GATAD2A: variants seen among roughly 807,000 people sequenced by gnomAD.
The protein encoded by GATAD2A is transcriptional repressor p66-alpha.
In GATAD2A, 12 loss-of-function variants were observed where a neutral mutation model predicts 68.5. The ratio of observed to expected loss-of-function variants is 0.18; its 90% CI spans 0.11 to 0.28. The LOEUF is 0.28. Among genes scored for constraint, GATAD2A ranks in the 10% least tolerant of loss-of-function variants. The pLI, the probability that GATAD2A is intolerant of heterozygous loss-of-function variation, is 1.00. For missense variants in GATAD2A, 755 were observed against 868.5 expected (o/e 0.87, Z 1.64); for synonymous variants, 410 against 375.3 (o/e 1.09, Z -1.07).
intron 2 of GATAD2A, among the ~76,000 whole-genome samples, chr19:19,469,437 A>AAAAAAAAAAAG (rs1456365218): frequency 1.3e-5 from 2 of 151,828 alleles, no homozygotes; most frequent in Admixed American, 6.6e-5. Flanking sequence ...ATCTCAAAAA[A>AAAAAAAAAAAG]AAAGAAAAAA....
At position 19,498,498 on chromosome 19, in the gene GATAD2A, C is replaced by T. The variant is rs745979918; in HGVS notation, c.980C>T (p.Thr327Ile). ...GCCACCTCCGCTCAGGCCAACTCCACCCCCACTAGTGTGGCCTCTGTGGTC... is the reference window on the plus strand; with the variant it reads ...GCCACCTCCGCTCAGGCCAACTCCATCCCCACTAGTGTGGCCTCTGTGGTC... ...TTATSAQANSTPTSVASVVTS... is the reference protein window; with the variant it reads ...TTATSAQANSIPTSVASVVTS... Residue 327 changes from threonine to isoleucine, a missense_variant, in exon 8 of 12, where the codon ACC (threonine) becomes ATC (isoleucine). Thr to Ile is a moderately conservative substitution (Grantham distance 89). Transcript: ENST00000683918. 16 of 1,613,728 alleles carry T rather than the reference C, an allele frequency of 9.9e-6. No individual in the cohort carries two copies. The highest frequency in any genetic ancestry group is 1.4e-5 in the Non-Finnish European group (16 of 1,179,706).
intron 1 of GATAD2A, among the ~76,000 whole-genome samples, chr19:19,400,283 C>G (rs1373386789): frequency 3.3e-5 from 5 of 152,178 alleles, no homozygotes; most frequent in East Asian, 1.9e-4. Context: ...GAGACTCAGT[C>G]TGGAAAGAGC....
intron 1 of GATAD2A, among the ~76,000 whole-genome samples, chr19:19,386,985 G>T (rs926376766): frequency 2.6e-5 from 4 of 151,876 alleles, no homozygotes; most frequent in Admixed American, 2.6e-4. Flanking sequence ...TCTGAGGGGA[G>T]TCCCTTTCTC....
At chr19:19,434,207 AT>A (rs1304512177) in intron 1 of GATAD2A, among the ~76,000 whole-genome samples, 1 of 152,088 alleles carries the variant, frequency 6.6e-6, no homozygotes, top group Non-Finnish European at 1.5e-5. Flanking sequence ...AACACAGCTG[AT>A]TTTTTATATA....
intron 1 of GATAD2A, among the ~76,000 whole-genome samples, chr19:19,410,653 G>T (rs903751264): frequency 6.6e-6 from 1 of 152,178 alleles, no homozygotes; most frequent in Non-Finnish European, 1.5e-5. Context: ...TGGCACAGCA[G>T]CTCCTCCTGT....
At chr19:19,464,934 T>C in intron 1 of GATAD2A, 1 of 286,158 alleles carries the variant, frequency 3.5e-6, no homozygotes, top group Non-Finnish European at 6.8e-6. Context: ...CCTCCTGGAT[T>C]CCAGACATTG....
At chr19:19,485,847 G>A (rs1014459884) in intron 2 of GATAD2A, among the ~76,000 whole-genome samples, 1 of 152,172 alleles carries the variant, frequency 6.6e-6, no homozygotes, top group Non-Finnish European at 1.5e-5. Flanking sequence ...AAAGCGCTTG[G>A]ACTCAAAAAA....
At chr19:19,432,294 GTTTT>G (rs1208367350) in intron 1 of GATAD2A, among the ~76,000 whole-genome samples, 19 of 151,432 alleles carry the variant, frequency 1.3e-4, no homozygotes, top group African/African-American at 4.4e-4. Context: ...GTTTTGTTTT[GTTTT>G]TGTTTTTGTT....
Position 19,452,230 on chromosome 19 carries a change from C to T in GATAD2A, c.-6-13110C>T, listed in dbSNP as rs1477010499. 2.6e-5 allele frequency among the ~76,000 whole-genome samples: 4 copies of T among 152,154 alleles called. No homozygotes were observed. The East Asian group carries it at 7.7e-4, about 29-fold the overall frequency. ...GGGTCAGATGCTCTTACTTCATGGG[C>T]GCCATGTGTTCCTTGTCCCCTTCCC... On this transcript the variant is annotated intron_variant, in intron 1 of 11. Coordinates refer to ENST00000683918, the MANE Select transcript of GATAD2A (RefSeq NM_001384528.1).
chr19:19,433,053 G>A (rs936133324), intron 1 of GATAD2A, among the ~76,000 whole-genome samples: 1 of 152,206 alleles, frequency 6.6e-6, no homozygotes, highest in African/African-American at 2.4e-5. Context: ...AATTTTAATT[G>A]CTGGGAGAAT....
chr19:19,453,487 G>A (rs1278997835), intron 1 of GATAD2A, among the ~76,000 whole-genome samples: 1 of 151,926 alleles, frequency 6.6e-6, no homozygotes, highest in Non-Finnish European at 1.5e-5. Flanking sequence ...TAATTTACAC[G>A]TTCGAGTCTG....
At chr19:19,425,713 C>T (rs1005542626) in intron 1 of GATAD2A, among the ~76,000 whole-genome samples, 2 of 152,180 alleles carry the variant, frequency 1.3e-5, no homozygotes, top group African/African-American at 4.8e-5. Context: ...TGCAGCAACT[C>T]CCATGGGCCC....
At position 19,501,913 on chromosome 19, in the gene GATAD2A, A is replaced by G. The variant is rs1018389303; in HGVS notation, c.1504-56A>G. On this transcript the variant is annotated intron_variant, in intron 9 of 11. Coordinates refer to ENST00000683918, the MANE Select transcript of GATAD2A (RefSeq NM_001384528.1). Reference sequence around the variant, plus strand: ...TGTCCTGTGGGGCTCACCCTCGGTCACCCTGGGCCGGCCAGCGGACCGCAC... The same window carrying G: ...TGTCCTGTGGGGCTCACCCTCGGTCGCCCTGGGCCGGCCAGCGGACCGCAC... 1.1e-5 allele frequency: 15 copies of G among 1,391,256 alleles called. No homozygotes were observed. The African/African-American group carries it at 1.7e-4, about 16-fold the overall frequency. 86.2% of individuals were successfully genotyped at this position (1,391,256 alleles called of 1,614,324 possible).
At chr19:19,493,021 A>G (rs1600278117) in intron 4 of GATAD2A, among the ~76,000 whole-genome samples, 1 of 150,918 alleles carries the variant, frequency 6.6e-6, no homozygotes, top group African/African-American at 2.4e-5. Context: ...GCTCACTGCA[A>G]CCTCTGCCTC....
At chr19:19,452,196 T>G (rs529296793) in intron 1 of GATAD2A, among the ~76,000 whole-genome samples, 1 of 152,318 alleles carries the variant, frequency 6.6e-6, no homozygotes, top group South Asian at 2.1e-4. Flanking sequence ...GTCTTCTGCC[T>G]TTCCTACAGG....
At chr19:19,429,217 C>T in intron 1 of GATAD2A, 1 of 985,194 alleles carries the variant, frequency 1.0e-6, no homozygotes, top group Non-Finnish European at 1.2e-6. Flanking sequence ...CAAGTTTCAG[C>T]AAAAAGTTCC....
chr19:19,462,135 A>G (rs2057486787), intron 1 of GATAD2A, among the ~76,000 whole-genome samples: 1 of 152,218 alleles, frequency 6.6e-6, no homozygotes, highest in African/African-American at 2.4e-5. Flanking sequence ...TCTTTGCAGG[A>G]GTCATCTGTC....
chr19:19,427,115 G>T (rs192154076), intron 1 of GATAD2A, among the ~76,000 whole-genome samples: 1 of 152,002 alleles, frequency 6.6e-6, no homozygotes, highest in Admixed American at 6.6e-5. Context: ...AGGAAGAAGG[G>T]GGGTTGCCAG....
At chr19:19,482,810 G>A (rs1184096228) in intron 2 of GATAD2A, among the ~76,000 whole-genome samples, 1 of 152,146 alleles carries the variant, frequency 6.6e-6, no homozygotes, top group East Asian at 1.9e-4. Flanking sequence ...GTATTTCTAA[G>A]CAGAACGTGC....
Sources: allele counts gnomAD v4.1 joint callset (sites outside exome capture counted in the v4.1 genomes callset), GRCh38; gene constraint gnomAD v4.1.1; transcripts MANE v1.5; gene names NCBI Gene and HGNC (gene_info 2026-07-23, HGNC 2026-07-21).